IFRD1: variants seen among roughly 807,000 people sequenced by gnomAD.
IFRD1 encodes the protein interferon-related developmental regulator 1.
A neutral mutation model predicts 52.9 loss-of-function variants in IFRD1; 35 were observed. The observed-to-expected ratio is 0.66, with a 90% confidence interval of 0.51 to 0.88. The LOEUF (loss-of-function observed/expected upper bound fraction) is 0.88. Among genes scored for constraint, IFRD1 ranks in the 40% least tolerant of loss-of-function variants. The pLI is 0.00. For synonymous variants in IFRD1, 184 were observed against 188.4 expected (o/e 0.98, Z 0.19); for missense variants, 517 against 550.8 (o/e 0.94, Z 0.61).
At position 112,455,802 on chromosome 7, in the gene IFRD1, A is replaced by C; in HGVS notation, c.134A>C (p.Asp45Ala). The C allele has an allele frequency of 1.2e-6, 2 of 1,613,152 alleles. No homozygotes were observed. Among genetic ancestry groups the C allele is most frequent in the Non-Finnish European group, 1.7e-6 (2 of 1,179,116 alleles). The change falls in exon 2 of 12, where the codon GAT becomes GCT. Residue 45 changes from aspartate (D) to alanine (A), a missense_variant. By Grantham distance (126) the Asp-to-Ala change is moderately radical (BLOSUM62 -2). Transcript: ENST00000403825. ...HRNVQPFSDEDASIETMSHCS... is the reference protein window; with the variant it reads ...HRNVQPFSDEAASIETMSHCS... ...AATGTTCAGCCTTTTAGTGATGAAG[A>C]TGCATCAATTGAAACAATGAGCCAT...
In IFRD1 at chr7:112,476,765, T is replaced by C. The variant is rs1440040483; in HGVS notation, c.*1246T>C. ...TTAATAAACTTTAGATTAAAATATA[T>C]AGTGCAAGCAACATGCCATTTCAAA... On this transcript the variant is annotated 3_prime_UTR_variant, in exon 12 of 12. Coordinates refer to ENST00000403825, the MANE Select transcript of IFRD1 (RefSeq NM_001550.4). 1 of 152,214 alleles carries C rather than the reference T, an allele frequency of 6.6e-6. No individual in the cohort carries two copies. The highest frequency in any genetic ancestry group is 6.5e-5 in the Admixed American group (1 of 15,278). The allele number at this position is 152,214 out of a possible 1,614,324, so 9.4% of individuals were successfully genotyped here.
At chr7:112,444,572 G>A (rs904793727) in intron 1 of IFRD1, among the ~76,000 whole-genome samples, 19 of 152,132 alleles carry the variant, frequency 1.2e-4, no homozygotes, top group Admixed American at 9.2e-4. Flanking sequence ...TAATAATAAA[G>A]TTCTGCTAAA....
At chr7:112,450,324 G>A (rs962625914), upstream of IFRD1, 3 of 258,968 alleles carry the variant, frequency 1.2e-5, no homozygotes, top group East Asian at 3.6e-4. Flanking sequence ...TTTGTAGGTA[G>A]GATCCGCGCC....
chr7:112,452,560 G>A, intron 1 of IFRD1: 1 of 526,600 alleles, frequency 1.9e-6, no homozygotes, highest in Non-Finnish European at 2.4e-6. Context: ...GGAAAAGTTT[G>A]AAAGCTAAAG....
chr7:112,441,507 G>A (rs1306931117), intron 1 of IFRD1, among the ~76,000 whole-genome samples: 2 of 152,002 alleles, frequency 1.3e-5, no homozygotes, highest in Non-Finnish European at 2.9e-5. Flanking sequence ...GTCTCTGGTA[G>A]TTCTGCCTAC....
intron 1 of IFRD1, among the ~76,000 whole-genome samples, chr7:112,442,562 G>A (rs539298679): frequency 3.3e-5 from 5 of 152,308 alleles, no homozygotes; most frequent in African/African-American, 7.2e-5. Flanking sequence ...TGGACTCACC[G>A]CTTAGGGGTA....
chr7:112,462,180 G>A lies in IFRD1; in HGVS notation c.797+1G>A, dbSNP rs778041377. ...ATGAAGTGAAGAAAAAGCTTGAGATGTATGTATTTTTAGTTTCATATTTTA... is the reference window on the plus strand; with the variant it reads ...ATGAAGTGAAGAAAAAGCTTGAGATATATGTATTTTTAGTTTCATATTTTA... On this transcript the variant is annotated splice_donor_variant, in intron 7 of 11. Coordinates refer to ENST00000403825, the MANE Select transcript of IFRD1 (RefSeq NM_001550.4). LOFTEE classifies it high-confidence loss of function. 1.2e-6 allele frequency: 2 copies of A among 1,613,522 alleles called. No individual in the cohort carries two copies. Among genetic ancestry groups the A allele is most frequent in the South Asian group, 1.1e-5 (1 of 91,084 alleles).
chr7:112,452,643 G>GC (rs1322624645), intron 1 of IFRD1: 4 of 161,736 alleles, frequency 2.5e-5, no homozygotes, highest in African/African-American at 9.6e-5. Flanking sequence ...AAGTTTCTGG[G>GC]CAAGCCTCCT....
chr7:112,464,340 AC>A (rs1205040426), intron 8 of IFRD1, among the ~76,000 whole-genome samples: 1 of 152,032 alleles, frequency 6.6e-6, no homozygotes, highest in Non-Finnish European at 1.5e-5. Context: ...ATAATAATAA[AC>A]TGTGTTCAAA....
upstream of IFRD1, among the ~76,000 whole-genome samples, chr7:112,447,867 GAATTCATTA>G (rs1795064131): frequency 6.6e-6 from 1 of 152,088 alleles, no homozygotes; most frequent in Admixed American, 6.5e-5. Flanking sequence ...GTATCTCTCA[GAATTCATTA>G]TACTGAAGGC....
intron 5 of IFRD1, among the ~76,000 whole-genome samples, chr7:112,460,246 T>G (rs1419335396): frequency 3.0e-5 from 4 of 135,344 alleles, no homozygotes; most frequent in Non-Finnish European, 4.9e-5. Flanking sequence ...CTAGGGTTTT[T>G]TTTTTTTTTT....
chr7:112,457,249 T>TAAG, intron 4 of IFRD1: 1 of 612,394 alleles, frequency 1.6e-6, no homozygotes, highest in South Asian at 2.0e-5. Flanking sequence ...AGCTTGAAAC[T>TAAG]AAGAAGGATT....
At chr7:112,452,764 C>T (rs575972506) in intron 1 of IFRD1, among the ~76,000 whole-genome samples, 46 of 152,322 alleles carry the variant, frequency 3.0e-4, no homozygotes, top group African/African-American at 9.6e-4. Context: ...TTTATTGCTG[C>T]TACCTTTTCA....
At chr7:112,437,689 T>A (rs558577435) in intron 1 of IFRD1, among the ~76,000 whole-genome samples, 1 of 151,148 alleles carries the variant, frequency 6.6e-6, no homozygotes, top group African/African-American at 2.4e-5. Context: ...GGGGCCACAC[T>A]AGATAAGGCA....
rs143064027 is a variant in IFRD1, at chr7:112,436,028, G to A, written c.-182+12596G>A. Among the ~76,000 whole-genome samples the A allele has an allele frequency of 5.4e-3, 814 of 151,828 alleles. 7 individuals are homozygous for A. The highest frequency in any genetic ancestry group is 0.018 in the African/African-American group (746 of 41,390). On this transcript the variant is annotated intron_variant, in intron 1 of 12. Coordinates refer to the IFRD1 transcript ENST00000005558. ...CTCCCAAGTAGCTGGGATTACAGGC[G>A]TGCGCCACCATGTCTGGCTAATTTT... is the stretch of plus-strand genomic sequence containing the variant.
chr7:112,470,918 G>A (rs774841275), intron 9 of IFRD1, among the ~76,000 whole-genome samples: 1 of 152,106 alleles, frequency 6.6e-6, no homozygotes, highest in Non-Finnish European at 1.5e-5. Flanking sequence ...GGTTGAATCC[G>A]TGATGCAGAA....
rs182531966 is a variant in IFRD1, at chr7:112,441,077, C to T, written c.-181-9431C>T. On this transcript the variant is annotated intron_variant, in intron 1 of 12. Coordinates refer to the IFRD1 transcript ENST00000005558. The stretch of plus-strand genomic sequence containing the variant: ...ATCATGAGGTCAAGAGATTTGAGAC[C>T]GTCCTGGCCAACATGGTGAAACCCT... 5.9e-5 allele frequency among the ~76,000 whole-genome samples: 9 copies of T among 152,160 alleles called. No homozygotes were observed. In the East Asian group the frequency reaches 1.4e-3, roughly 23 times the overall value.
At chr7:112,459,193 G>A (rs753844780) in intron 5 of IFRD1, among the ~76,000 whole-genome samples, 175 bp downstream of exon 5, 3 of 152,144 alleles carry the variant, frequency 2.0e-5, no homozygotes, top group Non-Finnish European at 2.9e-5. Context: ...TAGCCTGGGA[G>A]ACAAAGCTAC....
chr7:112,450,402 A>G (rs1217726796), upstream of IFRD1: 4 of 475,440 alleles, frequency 8.4e-6, no homozygotes, highest in South Asian at 2.1e-5. Context: ...AGCCCCGCCC[A>G]CAGAGTGACG....
Sources: allele counts gnomAD v4.1 joint callset (sites outside exome capture counted in the v4.1 genomes callset), GRCh38; gene constraint gnomAD v4.1.1; transcripts MANE v1.5; gene names NCBI Gene and HGNC (gene_info 2026-07-23, HGNC 2026-07-21).